Variants in NBEA observed in about 807,000 individuals in gnomAD.
NBEA encodes lysosomal-trafficking regulator 2.
Under a neutral mutation model 343.4 loss-of-function variants are expected in NBEA, and 44 were observed. That is an observed-to-expected ratio of 0.13 (90% CI 0.10 to 0.16). The LOEUF is 0.16. Ranked by LOEUF, NBEA falls within the 10% of genes least tolerant of loss-of-function variation. NBEA has a pLI of 1.00. For missense variants in NBEA, 2,555 were observed against 3,631.3 expected, an observed-to-expected ratio of 0.70 and a Z score of 7.62; for synonymous variants, 1,175 against 1,238.7, an observed-to-expected ratio of 0.95 and a Z score of 1.08.
At chr13:35,388,734 T>A (rs2042364566) in intron 38 of NBEA, among the ~76,000 whole-genome samples, 1 of 152,346 alleles carries the variant, frequency 6.6e-6, no homozygotes, top group African/African-American at 2.4e-5. Context: ...GGAATCTTGC[T>A]TTTCAGTGTG....
intron 41 of NBEA, among the ~76,000 whole-genome samples, chr13:35,484,270 GTGTGTATATATATA>G (rs1316337393): frequency 1.9e-4 from 23 of 121,970 alleles, no homozygotes; most frequent in African/African-American, 6.8e-4. Flanking sequence ...GTGTGTGTGT[GTGTGTATATATATA>G]TATATATATG....
At chr13:35,422,615 G>T (rs2044367861) in intron 38 of NBEA, among the ~76,000 whole-genome samples, 1 of 152,166 alleles carries the variant, frequency 6.6e-6, no homozygotes. Context: ...ACATATGTGT[G>T]CATGTGTCTT....
intron 41 of NBEA, among the ~76,000 whole-genome samples, chr13:35,544,301 A>G (rs2078966386): frequency 6.6e-6 from 1 of 152,246 alleles, no homozygotes; most frequent in Non-Finnish European, 1.5e-5. Context: ...TCAAAGAAAA[A>G]AAATTTGTAA....
At chr13:35,149,119 A>G (rs1184419838) in intron 18 of NBEA, among the ~76,000 whole-genome samples, 2 of 152,210 alleles carry the variant, frequency 1.3e-5, no homozygotes, top group African/African-American at 2.4e-5. Flanking sequence ...ACAAATCACA[A>G]GATTAGTAGA....
At chr13:35,094,606 T>C (rs928761982) in intron 10 of NBEA, among the ~76,000 whole-genome samples, 18 of 152,054 alleles carry the variant, frequency 1.2e-4, no homozygotes, top group African/African-American at 3.9e-4. Context: ...TTATCTTGGA[T>C]GCGAAATTGT....
intron 17 of NBEA, among the ~76,000 whole-genome samples, chr13:35,137,935 G>A (rs1391667802): frequency 1.3e-5 from 2 of 151,990 alleles, no homozygotes; most frequent in Non-Finnish European, 2.9e-5. Context: ...AACCTTTGAT[G>A]CCACAAAATC....
At chr13:35,395,362 C>A (rs1220274883) in intron 38 of NBEA, among the ~76,000 whole-genome samples, 3 of 151,630 alleles carry the variant, frequency 2.0e-5, no homozygotes, top group Non-Finnish European at 4.4e-5. Context: ...TGTATAGCAC[C>A]TTCTCCTTCT....
intron 34 of NBEA, among the ~76,000 whole-genome samples, chr13:35,249,095 G>A (rs1306283080): frequency 6.9e-6 from 1 of 144,390 alleles, no homozygotes; most frequent in Non-Finnish European, 1.5e-5. Context: ...GTTGCAGTGA[G>A]CAGAGATTGT....
chr13:35,168,272 A>G (rs117200972), intron 24 of NBEA, among the ~76,000 whole-genome samples: 6,924 of 151,608 alleles, frequency 0.046, 239 homozygotes, highest in Non-Finnish European at 0.067. Flanking sequence ...ATAGTTGATG[A>G]TTTTTATTGT....
chr13:35,225,215 T>G (rs1180252043), intron 33 of NBEA, among the ~76,000 whole-genome samples: 2 of 152,160 alleles, frequency 1.3e-5, no homozygotes, highest in Non-Finnish European at 1.5e-5. Flanking sequence ...TCAAGTGCTG[T>G]CCTGGATCTT....
chr13:35,368,786 T>C (rs1173359539), intron 38 of NBEA, among the ~76,000 whole-genome samples: 4 of 151,666 alleles, frequency 2.6e-5, no homozygotes, highest in African/African-American at 9.7e-5. Flanking sequence ...ATTATGTCAT[T>C]CCTTGTTACG....
At chr13:34,957,008 A>AAT (rs138069841) in intron 1 of NBEA, among the ~76,000 whole-genome samples, 13,762 of 150,468 alleles carry the variant, frequency 0.091, 795 homozygotes, top group African/African-American at 0.16. Flanking sequence ...TATCATGTGG[A>AAT]ATATATATAT....
intron 10 of NBEA, among the ~76,000 whole-genome samples, chr13:35,085,342 C>T (rs2064690847): frequency 2.0e-5 from 3 of 152,070 alleles, no homozygotes; most frequent in Non-Finnish European, 4.4e-5. Context: ...CAATAAAATA[C>T]AGGCAAACTG....
intron 49 of NBEA, among the ~76,000 whole-genome samples, chr13:35,642,482 T>G (rs2084010137): frequency 6.6e-6 from 1 of 152,196 alleles, no homozygotes; most frequent in Non-Finnish European, 1.5e-5. Context: ...GTTAACTCAT[T>G]TTGGGTTTAC....
intron 40 of NBEA, among the ~76,000 whole-genome samples, chr13:35,465,200 T>A (rs1231144349): frequency 6.6e-6 from 1 of 152,104 alleles, no homozygotes; most frequent in Non-Finnish European, 1.5e-5. Flanking sequence ...AATATATTAA[T>A]TTAAGTGGGC....
At chr13:35,547,181 A>T (rs1010588702) in intron 41 of NBEA, among the ~76,000 whole-genome samples, 2 of 152,192 alleles carry the variant, frequency 1.3e-5, no homozygotes, top group African/African-American at 2.4e-5. Flanking sequence ...TTTTCTTCCC[A>T]TGTCCCCTTT....
At chr13:35,141,023 A>G (rs1760804666) in intron 17 of NBEA, among the ~76,000 whole-genome samples, 1 of 152,184 alleles carries the variant, frequency 6.6e-6, no homozygotes, top group Non-Finnish European at 1.5e-5. Flanking sequence ...GGTCAGGACT[A>G]AAAATAATCT....
At chr13:35,109,247 T>C (rs781218461) in intron 11 of NBEA, 43 bp from the exon 12 acceptor site, 20 of 1,489,410 alleles carry the variant, frequency 1.3e-5, no homozygotes, top group Admixed American at 1.3e-4. Context: ...TACAATTTGA[T>C]ATTCTGGATG....
chr13:35,016,285 C>T (rs533698940), intron 1 of NBEA, among the ~76,000 whole-genome samples: 107 of 24,388 alleles, frequency 4.4e-3, no homozygotes, highest in African/African-American at 6.9e-3. Flanking sequence ...TATACACATA[C>T]ATGTTAAAAT....
Sources: allele counts gnomAD v4.1 joint callset (sites outside exome capture counted in the v4.1 genomes callset), GRCh38; gene constraint gnomAD v4.1.1; transcripts MANE v1.5; gene names NCBI Gene and HGNC (gene_info 2026-07-23, HGNC 2026-07-21).